Variants in EYS observed in about 807,000 individuals in gnomAD.
The protein encoded by EYS is protein eyes shut homolog.
In EYS, 250 loss-of-function variants were observed where a neutral mutation model predicts 282.1. The observed-to-expected ratio is 0.89, with a 90% CI of 0.80 to 0.98. EYS has a LOEUF of 0.98. Ranked by LOEUF, EYS falls within the 50% of genes least tolerant of loss-of-function variation. The pLI is 0.00. For synonymous variants in EYS, 1,355 were observed against 1,282.9 expected (o/e 1.06, Z -1.20); for missense variants, 4,016 against 3,709.0 (o/e 1.08, Z -2.15).
intron 29 of EYS, among the ~76,000 whole-genome samples, chr6:64,378,564 G>A (rs983657099): frequency 1.3e-5 from 2 of 151,972 alleles, no homozygotes; most frequent in Non-Finnish European, 2.9e-5. Flanking sequence ...AATGCTGGGG[G>A]GAAACTTAAA....
intron 30 of EYS, among the ~76,000 whole-genome samples, chr6:64,296,596 A>ATTT (rs1561913890): frequency 9.7e-4 from 6 of 6,156 alleles, no homozygotes; most frequent in African/African-American, 1.8e-3. Flanking sequence ...ATATATATAT[A>ATTT]TATTTTTTTT....
At chr6:64,870,017 T>C (rs9360096) in intron 19 of EYS, among the ~76,000 whole-genome samples, 13,962 of 151,552 alleles carry the variant, frequency 0.092, 831 homozygotes, top group East Asian at 0.32. Context: ...TCTAAGATGG[T>C]CTTTTAAGTT....
At chr6:65,028,965 G>A (rs1583413839) in intron 13 of EYS, among the ~76,000 whole-genome samples, 1 of 152,084 alleles carries the variant, frequency 6.6e-6, no homozygotes, top group East Asian at 1.9e-4. Context: ...ATTTATATAA[G>A]AATTGAATCA....
intron 22 of EYS, among the ~76,000 whole-genome samples, chr6:64,754,673 G>A (rs1462591588): frequency 6.6e-6 from 1 of 152,052 alleles, no homozygotes; most frequent in Non-Finnish European, 1.5e-5. Flanking sequence ...CAGAAAGATG[G>A]TTCAACGTAT....
intron 10 of EYS, among the ~76,000 whole-genome samples, chr6:65,339,235 A>G (rs79269620): frequency 0.011 from 1,629 of 151,278 alleles, 29 homozygotes; most frequent in African/African-American, 0.038. Flanking sequence ...TTTATTAAAG[A>G]CTATTGAAAT....
chr6:64,044,213 G>A lies in EYS; in HGVS notation c.6725+22125C>T, dbSNP rs78687516. Among the ~76,000 whole-genome samples, 59 of 152,176 alleles carry A rather than the reference G, an allele frequency of 3.9e-4. 1 individual carries two copies. The East Asian group carries it at 0.01, about 27-fold the overall frequency. On this transcript the variant is annotated intron_variant, in intron 33 of 42. Transcript: ENST00000503581. ...GGAAAACACATATTTTCTATCTTCC[G>A]TTTTATGCTGTTGCAGGTCCTACAT...
intron 22 of EYS, among the ~76,000 whole-genome samples, chr6:64,767,029 TGG>T (rs1773373444): frequency 6.6e-6 from 1 of 151,944 alleles, no homozygotes; most frequent in South Asian, 2.1e-4. Flanking sequence ...ATGATATCAC[TGG>T]GGTTAACCTC....
intron 12 of EYS, among the ~76,000 whole-genome samples, chr6:65,281,047 A>AAG (rs1554178686): frequency 4.7e-5 from 7 of 148,394 alleles, no homozygotes; most frequent in Admixed American, 3.4e-4. Context: ...AAAAAAAAAA[A>AAG]AAAAGAAAAG....
At chr6:64,844,213 G>T (rs1185976928) in intron 19 of EYS, among the ~76,000 whole-genome samples, 1 of 152,064 alleles carries the variant, frequency 6.6e-6, no homozygotes, top group African/African-American at 2.4e-5. Flanking sequence ...TCCATATTAA[G>T]TGAGTATTTT....
intron 2 of EYS, among the ~76,000 whole-genome samples, chr6:65,515,373 G>T (rs1048057252): frequency 5.4e-4 from 82 of 152,294 alleles, no homozygotes; most frequent in African/African-American, 1.9e-3. Flanking sequence ...CATTGTGGAA[G>T]TTGGTGTGGT....
rs182286293 is a variant in EYS, at chr6:65,247,200, C to T, written c.2023+48663G>A. ...TTCTTATCACTCTCTCTTGCTCACTCGGGTCCAACCATATAGTCCCTTTCA... is the reference window on the plus strand; with the variant it reads ...TTCTTATCACTCTCTCTTGCTCACTTGGGTCCAACCATATAGTCCCTTTCA... On this transcript the variant is annotated intron_variant, in intron 12 of 42. Coordinates refer to ENST00000503581, the MANE Select transcript of EYS (RefSeq NM_001142800.2). Among the ~76,000 whole-genome samples the T allele has an allele frequency of 2.1e-3, 327 of 152,154 alleles. 1 individual carries two copies. The highest frequency in any genetic ancestry group is 7.2e-3 in the African/African-American group (300 of 41,544).
intron 41 of EYS, among the ~76,000 whole-genome samples, chr6:63,740,245 G>T (rs1769040450): frequency 6.6e-6 from 1 of 152,132 alleles, no homozygotes; most frequent in Non-Finnish European, 1.5e-5. Context: ...ATGGGGGCAG[G>T]TCTTTCCTGT....
intron 31 of EYS, among the ~76,000 whole-genome samples, chr6:64,114,746 C>T (rs1464483140): frequency 1.3e-5 from 2 of 152,270 alleles, no homozygotes; most frequent in South Asian, 4.1e-4. Context: ...AGCAAGGTCT[C>T]CTTAGTGTTT....
intron 13 of EYS, among the ~76,000 whole-genome samples, chr6:65,038,340 A>C (rs1299101257): frequency 6.6e-6 from 1 of 151,490 alleles, no homozygotes; most frequent in Non-Finnish European, 1.5e-5. Flanking sequence ...ATAAAAAGTG[A>C]AATCTTATAA....
intron 8 of EYS, among the ~76,000 whole-genome samples, chr6:65,363,397 G>C (rs1377174151): frequency 6.6e-6 from 1 of 151,710 alleles, no homozygotes; most frequent in Non-Finnish European, 1.5e-5. Flanking sequence ...TATAGCTTTA[G>C]GTTCAAGATA....
At chr6:63,893,864 C>T (rs1773468350) in intron 35 of EYS, among the ~76,000 whole-genome samples, 1 of 152,110 alleles carries the variant, frequency 6.6e-6, no homozygotes, top group Non-Finnish European at 1.5e-5. Context: ...TTTGATCAAT[C>T]CTATTTGAAA....
At position 64,328,510 on chromosome 6, in the gene EYS, G is replaced by A. The variant is rs116894326; in HGVS notation, c.6079-21428C>T. Among the ~76,000 whole-genome samples the A allele has an allele frequency of 7.7e-3, 1,173 of 152,302 alleles. 36 individuals are homozygous for A. Among genetic ancestry groups the A allele is most frequent in the East Asian group, 0.065 (338 of 5,176 alleles). Reference sequence around the variant, plus strand: ...GAAAGTCCCAGTGAATTTTATGAGAGGCTGTGCGAGGCTTACCAGCTTTAC... The same window carrying A: ...GAAAGTCCCAGTGAATTTTATGAGAAGCTGTGCGAGGCTTACCAGCTTTAC... On this transcript the variant is annotated intron_variant, in intron 29 of 42. Transcript: ENST00000503581.
At chr6:64,326,170 T>TA (rs933548628) in intron 29 of EYS, among the ~76,000 whole-genome samples, 8 of 109,742 alleles carry the variant, frequency 7.3e-5, no homozygotes, top group African/African-American at 2.9e-4. Context: ...ATTTAAAACT[T>TA]AAAGTTTCTG....
intron 26 of EYS, among the ~76,000 whole-genome samples, chr6:64,559,068 C>T (rs1203045814): frequency 1.3e-5 from 2 of 151,964 alleles, no homozygotes; most frequent in East Asian, 3.9e-4. Flanking sequence ...AAAATTTTCA[C>T]AAAAATTAGA....
Sources: allele counts gnomAD v4.1 joint callset (sites outside exome capture counted in the v4.1 genomes callset), GRCh38; gene constraint gnomAD v4.1.1; transcripts MANE v1.5; gene names NCBI Gene and HGNC (gene_info 2026-07-23, HGNC 2026-07-21).